Variants in C9orf43 observed in about 807,000 individuals in gnomAD.
The protein encoded by C9orf43 is uncharacterized protein C9orf43.
Under a neutral mutation model 59.1 loss-of-function variants are expected in C9orf43, and 45 were observed. The ratio of observed to expected loss-of-function variants is 0.76; its 90% CI spans 0.60 to 0.98. C9orf43 has a LOEUF of 0.98. Among genes scored for constraint, C9orf43 ranks in the 50% least tolerant of loss-of-function variants. The pLI is 0.00. For missense variants in C9orf43, 533 were observed against 554.9 expected, an observed-to-expected ratio of 0.96 and a Z score of 0.40; for synonymous variants, 203 against 196.8, an observed-to-expected ratio of 1.03 and a Z score of -0.26.
chr9:113,413,506 G>C lies in C9orf43; in HGVS notation c.13G>C (p.Asp5His), dbSNP rs775153528. MDLP[D>H]ESQWDETTCG... is the part of the protein sequence containing the mutation. Reference sequence around the variant, plus strand: ...ACCATTTCTAGCTATGGACTTGCCAGATGAGAGCCAGTGGGACGAAACCAC... The same window carrying C: ...ACCATTTCTAGCTATGGACTTGCCACATGAGAGCCAGTGGGACGAAACCAC... Residue 5 changes from aspartate to histidine, a missense_variant, in exon 2 of 14, where the codon GAT becomes CAT. Physicochemically the swap from Asp to His is moderately conservative, Grantham distance 81 (BLOSUM62 -1). Transcript: ENST00000374165. 1 of 1,613,442 alleles carries C rather than the reference G, an allele frequency of 6.2e-7. No individual in the cohort carries two copies. Among genetic ancestry groups the C allele is most frequent in the Non-Finnish European group, 8.5e-7 (1 of 1,179,384 alleles).
rs1348569740 is a variant in C9orf43 at position 113,425,466 on chromosome 9, G to A, written c.942+46G>A. On this transcript the variant is annotated intron_variant, in intron 10 of 13. Coordinates refer to ENST00000374165, the MANE Select transcript of C9orf43 (RefSeq NM_001278629.2). ...TTGCTGGGACTGGGAGAGGTCTACA[G>A]CCTGGAATGGGAAGGGATGTATGAA... 6 of 1,582,032 alleles carry A rather than the reference G, an allele frequency of 3.8e-6. No individual in the cohort carries two copies. The Admixed American group carries it at 7.4e-5, about 19-fold the overall frequency.
intron 3 of C9orf43, among the ~76,000 whole-genome samples, chr9:113,414,431 C>T (rs546848357): frequency 1.3e-5 from 2 of 151,810 alleles, no homozygotes; most frequent in Admixed American, 6.5e-5. Flanking sequence ...TGCACCACCA[C>T]GCCTGGTTAA....
At chr9:113,424,549 A>C in intron 8 of C9orf43, among the ~76,000 whole-genome samples, 1 of 143,854 alleles carries the variant, frequency 7.0e-6, no homozygotes. Context: ...TTTTTGAGAG[A>C]CTGGGTCTCA....
chr9:113,423,438 G>T lies in C9orf43; in HGVS notation c.596G>T (p.Ser199Ile). 2 of 1,614,094 alleles carry T rather than the reference G, an allele frequency of 1.2e-6. No homozygotes were observed. Among genetic ancestry groups the T allele is most frequent in the Non-Finnish European group, 1.7e-6 (2 of 1,179,974 alleles). The change falls in exon 7 of 14, where the codon AGT becomes ATT. Residue 199 changes from serine (S) to isoleucine (I), a missense_variant. Physicochemically the swap from Ser to Ile is moderately radical, Grantham distance 142. Transcript: ENST00000374165. Reference protein sequence around the residue: ...PTPVQLSEQFSSDFLPLWAQS... With the variant: ...PTPVQLSEQFISDFLPLWAQS... ...CCAGTGCAATTGTCTGAACAATTCA[G>T]TTCAGATTTCCTACCTCTCTGGGCT...
intron 1 of C9orf43, among the ~76,000 whole-genome samples, chr9:113,411,790 C>T (rs1237364246): frequency 6.6e-6 from 1 of 152,110 alleles, no homozygotes; most frequent in Non-Finnish European, 1.5e-5. Flanking sequence ...GTGGTCCTCC[C>T]ACCTCAGCCC....
At chr9:113,425,591 GTTTTC>G (rs1172755705) in intron 10 of C9orf43, 47 bp from the exon 11 acceptor site, 1 of 1,582,674 alleles carries the variant, frequency 6.3e-7, no homozygotes, top group Non-Finnish European at 8.6e-7. Flanking sequence ...TTTGAAAAAA[GTTTTC>G]TTTACTTCCA....
chr9:113,422,690 G>T, intron 6 of C9orf43, 105 bp downstream of exon 6: 3 of 1,303,802 alleles, frequency 2.3e-6, no homozygotes, highest in East Asian at 2.4e-5. Context: ...TTCCTGAAAT[G>T]ATCCAAATCT....
chr9:113,422,724 A>T, intron 6 of C9orf43, 139 bp downstream of exon 6: 1 of 960,868 alleles, frequency 1.0e-6, no homozygotes, highest in Non-Finnish European at 1.5e-6. Flanking sequence ...CTTCTTTAGG[A>T]ATAATTAACC....
chr9:113,416,133 G>A (rs532922607), intron 3 of C9orf43, among the ~76,000 whole-genome samples: 1 of 152,234 alleles, frequency 6.6e-6, no homozygotes, highest in Non-Finnish European at 1.5e-5. Flanking sequence ...CTCTGTCGGA[G>A]ACCAGTCCTT....
Position 113,411,019 on chromosome 9 carries a change from T to C in C9orf43, c.-50+18T>C. On this transcript the variant is annotated intron_variant, in intron 1 of 13. Coordinates refer to ENST00000374165, the MANE Select transcript of C9orf43 (RefSeq NM_001278629.2). ...TAATAATGGTACTAAGACTGAGTGT[T>C]ATTTAGATTTTATTGTTGTTGTTTG... is the stretch of plus-strand genomic sequence containing the variant. The C allele has an allele frequency of 1.0e-6, 1 of 985,424 alleles. No individual in the cohort carries two copies. The highest frequency in any genetic ancestry group is 1.2e-6 in the Non-Finnish European group (1 of 829,908). The allele number at this position is 985,424 out of a possible 1,614,324, so 61.0% of individuals were successfully genotyped here.
At chr9:113,412,096 A>G (rs1828186201) in intron 1 of C9orf43, among the ~76,000 whole-genome samples, 1 of 152,212 alleles carries the variant, frequency 6.6e-6, no homozygotes, top group Non-Finnish European at 1.5e-5. Flanking sequence ...CAAAAGAGCA[A>G]ATGCTATGAT....
chr9:113,421,350 C>T, intron 5 of C9orf43, 147 bp downstream of exon 5: 1 of 603,088 alleles, frequency 1.7e-6, no homozygotes. Context: ...GTTGCATCTG[C>T]CTTTTGCTAC....
At chr9:113,425,128 C>T (rs761648943) in intron 9 of C9orf43, 52 bp downstream of exon 9, 6 of 1,559,816 alleles carry the variant, frequency 3.8e-6, no homozygotes, top group South Asian at 1.1e-5. Flanking sequence ...TGTTAGCCCA[C>T]ATTTCTCATA....
chr9:113,413,825 A>G lies in C9orf43; in HGVS notation c.218A>G (p.Glu73Gly), dbSNP rs757749488. ...GGCTTTGCAGCTCATCATTTACCAG[A>G]ATGTACCTTTACTAAGGCCCATTCT... ...DSGFAAHHLP[E>G]CTFTKAHSLL... is the part of the protein sequence containing the mutation. The change falls in exon 3 of 14, where the codon GAA becomes GGA. Residue 73 changes from glutamate to glycine, a missense_variant. By Grantham distance (98) the Glu-to-Gly change is moderately conservative (BLOSUM62 -2). Coordinates refer to ENST00000374165, the MANE Select transcript of C9orf43 (RefSeq NM_001278629.2). The G allele has an allele frequency of 6.2e-7, 1 of 1,614,098 alleles. No individual in the cohort carries two copies. The highest frequency in any genetic ancestry group is 8.5e-7 in the Non-Finnish European group (1 of 1,179,992).
intron 1 of C9orf43, among the ~76,000 whole-genome samples, chr9:113,411,354 G>A (rs1828137594): frequency 1.3e-5 from 2 of 150,264 alleles, no homozygotes; most frequent in Non-Finnish European, 2.9e-5. Flanking sequence ...TTGGAGTGCA[G>A]TGGCGCCGAT....
Position 113,419,146 on chromosome 9 carries a change from G to C in C9orf43, c.326G>C (p.Cys109Ser), listed in dbSNP as rs757138150. Residue 109 changes from cysteine to serine, a missense_variant, in exon 4 of 14, where the codon TGT becomes TCT. Physicochemically the swap from Cys to Ser is moderately radical, Grantham distance 112. Transcript: ENST00000374165. ...KGLPDKSLIN[C>S]TNRLPKFPVL... Reference sequence around the variant, plus strand: ...TTACCTGACAAAAGTTTGATCAACTGTACTAACAGACTTCCCAAAGTAAGT... The same window carrying C: ...TTACCTGACAAAAGTTTGATCAACTCTACTAACAGACTTCCCAAAGTAAGT... The C allele has an allele frequency of 1.9e-6, 3 of 1,608,282 alleles. No individual in the cohort carries two copies. Among genetic ancestry groups the C allele is most frequent in the Admixed American group, 1.7e-5 (1 of 59,254 alleles).
chr9:113,429,421 T>A lies in C9orf43; in HGVS notation c.*35T>A. ...GGAGGAATAGACTGAAGGCATCCCC[T>A]GGGGCAGCCGTGTTCCAAAGCGGGA... On this transcript the variant is annotated 3_prime_UTR_variant, in exon 14 of 14. Coordinates refer to ENST00000374165, the MANE Select transcript of C9orf43 (RefSeq NM_001278629.2). 1 of 1,591,324 alleles carries A rather than the reference T, an allele frequency of 6.3e-7. No homozygotes were observed. The highest frequency in any genetic ancestry group is 1.1e-5 in the South Asian group (1 of 90,218).
rs1210169412 is a variant in C9orf43, at chr9:113,429,242, C to G, written c.1242C>G (p.Ala414=). ...CTCCAGTGGACGCTGTGCCAGAAGC[C>G]CAGGCTGCCAGGCAAAAGAAGATCT... ...ISAPVDAVPE[A]QAARQKKISF... The change falls in exon 14 of 14, where the codon GCC becomes GCG. Residue 414 remains alanine (A), a synonymous_variant. Coordinates refer to ENST00000374165, the MANE Select transcript of C9orf43 (RefSeq NM_001278629.2). The G allele has an allele frequency of 6.2e-6, 10 of 1,614,186 alleles. No homozygotes were observed. Among genetic ancestry groups the G allele is most frequent in the Non-Finnish European group, 7.6e-6 (9 of 1,180,032 alleles).
rs41276817 is a variant in C9orf43 at position 113,429,387 on chromosome 9, G to A, written c.*1G>A. 16 of 1,613,236 alleles carry A rather than the reference G, an allele frequency of 9.9e-6. No homozygotes were observed. The highest frequency in any genetic ancestry group is 1.3e-5 in the African/African-American group (1 of 74,918). On this transcript the variant is annotated 3_prime_UTR_variant, in exon 14 of 14. Coordinates refer to ENST00000374165, the MANE Select transcript of C9orf43 (RefSeq NM_001278629.2). ...GGACCAGTCCTCTGGGGCAGAGTGA[G>A]AAGCCTCTGGAGGAATAGACTGAAG...
Sources: gnomAD v4.1 joint callset for allele counts (sites outside exome capture counted in the v4.1 genomes callset) on GRCh38, gnomAD v4.1.1 for gene constraint, MANE v1.5 for transcripts, NCBI Gene and HGNC (gene_info 2026-07-23, HGNC 2026-07-21) for gene names.